ARHGAP39: variants seen among roughly 807,000 people sequenced by gnomAD.
ARHGAP39 encodes the protein rho GTPase-activating protein 39.
ARHGAP39 carries 44 observed loss-of-function variants against 106.9 expected under a neutral mutation model. The observed-to-expected ratio is 0.41, with a 90% CI of 0.32 to 0.53. ARHGAP39 has a LOEUF of 0.53. Among genes scored for constraint, ARHGAP39 ranks in the 20% least tolerant of loss-of-function variants. The pLI is 0.21. For synonymous variants in ARHGAP39, 768 were observed against 693.2 expected (o/e 1.11, Z -1.69); for missense variants, 1,496 against 1,577.3 (o/e 0.95, Z 0.87).
At chr8:144,569,710 T>C (rs1386579724) in intron 3 of ARHGAP39, among the ~76,000 whole-genome samples, 1 of 152,204 alleles carries the variant, frequency 6.6e-6, no homozygotes, top group East Asian at 1.9e-4. Flanking sequence ...TTAATTGTGG[T>C]GATGGTCATG....
intron 2 of ARHGAP39, among the ~76,000 whole-genome samples, chr8:144,603,647 G>A (rs1358873604): frequency 6.1e-5 from 9 of 146,426 alleles, no homozygotes; most frequent in East Asian, 4.0e-4. Flanking sequence ...CTGAGATCAC[G>A]CCACTGCACT....
intron 1 of ARHGAP39, among the ~76,000 whole-genome samples, chr8:144,630,636 A>G (rs4925813): frequency 0.69 from 104,987 of 152,204 alleles, 37,478 homozygotes; most frequent in African/African-American, 0.88. Flanking sequence ...CGCCAAATGC[A>G]GATGCTAGAC....
chr8:144,595,071 C>T (rs920000769), intron 2 of ARHGAP39, among the ~76,000 whole-genome samples: 1 of 152,176 alleles, frequency 6.6e-6, no homozygotes, highest in Non-Finnish European at 1.5e-5. Flanking sequence ...TACCACCTGA[C>T]CCAGCAATTC....
chr8:144,602,805 T>G (rs1357294728), intron 2 of ARHGAP39, among the ~76,000 whole-genome samples: 1 of 127,326 alleles, frequency 7.9e-6, no homozygotes. Context: ...TGCATGTGCA[T>G]GGAGGCGTGT....
In ARHGAP39 at chr8:144,670,095, G is replaced by A. The variant is rs1365355198; in HGVS notation, c.-82+15591C>T. ...AGGAAACGGGGTTGACCTGTACAACGGAACGTCCCTCAGCAATAAAAAGCA... is the reference window on the plus strand; with the variant it reads ...AGGAAACGGGGTTGACCTGTACAACAGAACGTCCCTCAGCAATAAAAAGCA... On this transcript the variant is annotated intron_variant, in intron 1 of 11. Coordinates refer to ENST00000377307, the MANE Select transcript of ARHGAP39 (RefSeq NM_025251.3). The surrounding 1 kb of genome is among the most constrained non-coding windows in gnomAD (Gnocchi z 4.4). Among the ~76,000 whole-genome samples, 2 of 152,212 alleles carry A rather than the reference G, an allele frequency of 1.3e-5. No individual in the cohort carries two copies. The highest frequency in any genetic ancestry group is 2.9e-5 in the Non-Finnish European group (2 of 68,032).
chr8:144,548,547 C>T lies in ARHGAP39; in HGVS notation c.597-58G>A, dbSNP rs1199261679. The T allele has an allele frequency of 1.3e-6, 2 of 1,562,656 alleles. No individual in the cohort carries two copies. The highest frequency in any genetic ancestry group is 1.8e-5 in the Admixed American group (1 of 56,200). On this transcript the variant is annotated intron_variant, in intron 4 of 11. Coordinates refer to ENST00000377307, the MANE Select transcript of ARHGAP39 (RefSeq NM_025251.3). This position sits in a 1 kb window ranked among gnomAD's most constrained non-coding sequence, Gnocchi z 7.4. ...CCTGCCTGCTGCTTCTGGGCACGCC[C>T]CACCCCCTCGGGGGCTGTAGGCAGC...
At chr8:144,532,991 C>T in intron 9 of ARHGAP39, 135 bp downstream of exon 9, 3 of 1,100,008 alleles carry the variant, frequency 2.7e-6, no homozygotes, top group Non-Finnish European at 3.9e-6. Flanking sequence ...GTGGCCCCAC[C>T]CTTCCATCTG....
rs1399994219 is a variant in ARHGAP39 at position 144,605,638 on chromosome 8, T to G, written c.-24A>C. On this transcript the variant is annotated 5_prime_UTR_variant, in exon 2 of 12. Coordinates refer to ENST00000377307, the MANE Select transcript of ARHGAP39 (RefSeq NM_025251.3). ...ATCGCTGTTTGCTTCCGCGCCCACG[T>G]GGACAGACGTCAGGGCACCATACGC... 2.5e-6 allele frequency: 4 copies of G among 1,609,974 alleles called. 1 individual carries two copies. Among genetic ancestry groups the G allele is most frequent in the Non-Finnish European group, 8.5e-7 (1 of 1,178,444 alleles).
chr8:144,621,381 G>A (rs1301552367), intron 1 of ARHGAP39, among the ~76,000 whole-genome samples: 1 of 152,204 alleles, frequency 6.6e-6, no homozygotes, highest in Non-Finnish European at 1.5e-5. Flanking sequence ...AGTTCCCAGG[G>A]GTGGGAAAAC....
intron 3 of ARHGAP39, among the ~76,000 whole-genome samples, chr8:144,575,075 C>T (rs555881402): frequency 6.6e-6 from 1 of 152,182 alleles, no homozygotes; most frequent in East Asian, 1.9e-4. Context: ...TATTTGTGTG[C>T]CTAAACATAT....
chr8:144,553,309 G>T (rs1817789447), intron 4 of ARHGAP39, among the ~76,000 whole-genome samples: 1 of 152,186 alleles, frequency 6.6e-6, no homozygotes, highest in South Asian at 2.1e-4. Context: ...AGAAGCCCTA[G>T]ATCATAGCAA....
rs1487395614 is a variant in ARHGAP39, at chr8:144,530,752, G to A, written c.3100C>T (p.Leu1034=). Residue 1034 remains leucine, a synonymous_variant, in exon 11 of 12, where the codon CTG becomes TTG. Transcript: ENST00000377307. ...AGCACCATGCGGTTGATGCGGGGCAGCGCGTGCACCACGGCCACCGCCGCC... is the reference window on the plus strand; with the variant it reads ...AGCACCATGCGGTTGATGCGGGGCAACGCGTGCACCACGGCCACCGCCGCC... ...PEAAVAVVHA[L]PRINRMVLCY... is the part of the protein sequence containing the mutation. 1 of 1,610,418 alleles carries A rather than the reference G, an allele frequency of 6.2e-7. No individual in the cohort carries two copies. Among genetic ancestry groups the A allele is most frequent in the Non-Finnish European group, 8.5e-7 (1 of 1,178,968 alleles).
rs1000401200 is a variant in ARHGAP39, at chr8:144,591,871, C to T, written c.81-10594G>A. Among the ~76,000 whole-genome samples, 10 of 152,112 alleles carry T rather than the reference C, an allele frequency of 6.6e-5. No individual in the cohort carries two copies. The highest frequency in any genetic ancestry group is 1.3e-4 in the Non-Finnish European group (9 of 67,986). ...CCCCTGGATGGCGGCGTCGCCTCGT[C>T]GCCTCGTGCCTGCGGGGAGTGCTGC... On this transcript the variant is annotated intron_variant, in intron 2 of 11. Coordinates refer to ENST00000377307, the MANE Select transcript of ARHGAP39 (RefSeq NM_025251.3). This position sits in a 1 kb window ranked among gnomAD's most constrained non-coding sequence, Gnocchi z 5.3.
intron 3 of ARHGAP39, among the ~76,000 whole-genome samples, chr8:144,558,985 G>A (rs1298476045): frequency 1.3e-5 from 2 of 152,006 alleles, no homozygotes; most frequent in African/African-American, 4.8e-5. Flanking sequence ...AAGGTGGGCG[G>A]ATCACAAGGT....
At chr8:144,649,182 G>A (rs964898167) in intron 1 of ARHGAP39, among the ~76,000 whole-genome samples, 3 of 151,898 alleles carry the variant, frequency 2.0e-5, no homozygotes, top group Non-Finnish European at 4.4e-5. Context: ...GGTGGCTCAC[G>A]CCTATAATCC....
At chr8:144,661,451 T>C (rs1396166085) in intron 1 of ARHGAP39, among the ~76,000 whole-genome samples, 1 of 152,158 alleles carries the variant, frequency 6.6e-6, no homozygotes, top group Non-Finnish European at 1.5e-5. Flanking sequence ...CATGCTTACC[T>C]GGCAAACACC....
intron 1 of ARHGAP39, among the ~76,000 whole-genome samples, chr8:144,642,639 G>A (rs1387044184): frequency 6.6e-6 from 1 of 152,058 alleles, no homozygotes; most frequent in Non-Finnish European, 1.5e-5. Flanking sequence ...TCATGGGGAC[G>A]GGTCTTTCCT....
rs1821308700 is a variant in ARHGAP39 at position 144,641,304 on chromosome 8, G to A, written c.-81-35609C>T. Among the ~76,000 whole-genome samples the A allele has an allele frequency of 6.6e-6, 1 of 152,020 alleles. No individual in the cohort carries two copies. Among genetic ancestry groups the A allele is most frequent in the African/African-American group, 2.4e-5 (1 of 41,388 alleles). ...AGGCAGACGCTATTAAATTCTTTATGGAATGAAAATTAACTCTTTATGTTG... is the reference window on the plus strand; with the variant it reads ...AGGCAGACGCTATTAAATTCTTTATAGAATGAAAATTAACTCTTTATGTTG... On this transcript the variant is annotated intron_variant, in intron 1 of 11. Coordinates refer to ENST00000377307, the MANE Select transcript of ARHGAP39 (RefSeq NM_025251.3). The surrounding 1 kb of genome is among the most constrained non-coding windows in gnomAD (Gnocchi z 5.2).
intron 4 of ARHGAP39, among the ~76,000 whole-genome samples, chr8:144,549,458 A>T (rs1380502164): frequency 6.6e-6 from 1 of 152,206 alleles, no homozygotes; most frequent in African/African-American, 2.4e-5. Flanking sequence ...CTCTTCTGGA[A>T]ATCTAATTGC....
Sources: gnomAD v4.1 joint callset for allele counts (sites outside exome capture counted in the v4.1 genomes callset) on GRCh38, gnomAD v4.1.1 for gene constraint, Gnocchi (gnomAD v3.1) non-coding constraint, MANE v1.5 for transcripts, NCBI Gene and HGNC (gene_info 2026-07-23, HGNC 2026-07-21) for gene names.